Variants in PRH1 observed in about 807,000 individuals in gnomAD.
The protein encoded by PRH1 is salivary acidic proline-rich phosphoprotein 1/2.
PRH1 carries 7 observed loss-of-function variants against 7.9 expected under a neutral mutation model. The ratio of observed to expected loss-of-function variants is 0.89; its 90% CI spans 0.50 to 1.67. PRH1 has a LOEUF of 1.67. PRH1 is among the 40% of genes most tolerant of loss of function. PRH1 has a pLI of 0.00. For missense variants in PRH1, 109 were observed against 223.6 expected, an observed-to-expected ratio of 0.49 and a Z score of 3.27; for synonymous variants, 45 against 80.8, an observed-to-expected ratio of 0.56 and a Z score of 2.38.
intron 1 of PRH1, among the ~76,000 whole-genome samples, chr12:11,023,164 C>T (rs576651965): frequency 6.6e-6 from 1 of 152,290 alleles, no homozygotes; most frequent in African/African-American, 2.4e-5. Context: ...GAGGCTGATA[C>T]ACTTTAAAAT....
At chr12:10,961,143 A>C (rs1938217347) in intron 2 of PRH1, among the ~76,000 whole-genome samples, 1 of 152,216 alleles carries the variant, frequency 6.6e-6, no homozygotes, top group Non-Finnish European at 1.5e-5. Context: ...TGGGCATTAC[A>C]GGACTCTGTC....
chr12:11,048,683 G>A (rs1943010769), upstream of PRH1: 1 of 523,936 alleles, frequency 1.9e-6, no homozygotes, highest in Admixed American at 2.2e-5. Flanking sequence ...AAAGATATTA[G>A]TGTCAGAGTG....
chr12:11,023,747 A>G (rs1941773667), intron 1 of PRH1, among the ~76,000 whole-genome samples: 1 of 152,248 alleles, frequency 6.6e-6, no homozygotes, highest in African/African-American at 2.4e-5. Context: ...CCACTGCCTT[A>G]TCTACCCTAA....
rs1164831876 is a variant in PRH1 at position 11,093,716 on chromosome 12, G to C, written n.124-46528C>G. Among the ~76,000 whole-genome samples the C allele has an allele frequency of 1.7e-5, 2 of 114,856 alleles. 1 individual carries two copies. Among genetic ancestry groups the C allele is most frequent in the Non-Finnish European group, 4.1e-5 (2 of 48,772 alleles). 75.3% of individuals were successfully genotyped at this position (114,856 alleles called of 152,430 possible). A position where few individuals can be genotyped will look rare whatever the true frequency, so the allele number is the denominator to read the frequency against. ...ACTGACTACCTTACCCCTGAACTTG[G>C]AATTCAATCATTTCACTTATTTTGA... On this transcript the variant is annotated intron_variant and non_coding_transcript_variant, in intron 1 of 4. Coordinates refer to the PRH1 transcript ENST00000541977.
intron 1 of PRH1, among the ~76,000 whole-genome samples, chr12:11,012,663 C>G (rs1177573776): frequency 2.0e-5 from 3 of 151,992 alleles, no homozygotes; most frequent in African/African-American, 7.3e-5. Flanking sequence ...CTCAAGAGAT[C>G]CTCCCACCTC....
At chr12:10,935,338 T>C (rs1342314265) in intron 2 of PRH1, among the ~76,000 whole-genome samples, 4 of 152,070 alleles carry the variant, frequency 2.6e-5, no homozygotes, top group African/African-American at 7.3e-5. Context: ...TATCCTGACA[T>C]TAAAAAATAT....
chr12:11,160,135 T>C (rs532907244), intron 1 of PRH1, among the ~76,000 whole-genome samples: 77 of 152,320 alleles, frequency 5.1e-4, no homozygotes, highest in Middle Eastern at 3.4e-3. Flanking sequence ...AATACAAATA[T>C]CTTAAATTTT....
intron 2 of PRH1, among the ~76,000 whole-genome samples, chr12:10,902,006 T>C (rs1949731077): frequency 6.6e-6 from 1 of 152,052 alleles, no homozygotes. Flanking sequence ...TCTCCAGCAA[T>C]GGTCCCTAAC....
At chr12:11,023,670 A>G (rs1290477239) in intron 1 of PRH1, among the ~76,000 whole-genome samples, 1 of 152,178 alleles carries the variant, frequency 6.6e-6, no homozygotes, top group Non-Finnish European at 1.5e-5. Context: ...TCCACTAACC[A>G]TGAGGACATC....
intron 1 of PRH1, among the ~76,000 whole-genome samples, chr12:11,144,297 G>C (rs1946800489): frequency 1.3e-5 from 2 of 152,052 alleles, no homozygotes; most frequent in Non-Finnish European, 2.9e-5. Context: ...GAGATTCCCA[G>C]GTCACTGGAG....
intron 1 of PRH1, among the ~76,000 whole-genome samples, chr12:11,001,500 G>A (rs1186049380): frequency 1.3e-5 from 2 of 152,034 alleles, no homozygotes; most frequent in African/African-American, 4.8e-5. Context: ...GAGAATGCCA[G>A]GGGATAGATG....
chr12:10,937,960 A>G (rs1394407666), intron 2 of PRH1: 1 of 258,022 alleles, frequency 3.9e-6, no homozygotes, highest in South Asian at 1.2e-4. Context: ...ACATACACAC[A>G]TGTATTTTAT....
At chr12:10,948,622 A>T (rs1950523894) in intron 2 of PRH1, among the ~76,000 whole-genome samples, 1 of 152,108 alleles carries the variant, frequency 6.6e-6, no homozygotes, top group Non-Finnish European at 1.5e-5. Context: ...GTATTCTGTC[A>T]TTCTAGCCAG....
chr12:11,164,803 A>G (rs1388215688), intron 1 of PRH1, among the ~76,000 whole-genome samples: 1 of 152,198 alleles, frequency 6.6e-6, no homozygotes, highest in African/African-American at 2.4e-5. Context: ...TTTATAAATT[A>G]TATGAAAAAC....
chr12:11,010,430 A>G lies in PRH1; in HGVS notation c.-126+36590T>C, dbSNP rs567687387. 3.3e-5 allele frequency among the ~76,000 whole-genome samples: 5 copies of G among 152,046 alleles called. No homozygotes were observed. In the East Asian group the frequency reaches 9.7e-4, roughly 29 times the overall value. On this transcript the variant is annotated intron_variant, in intron 1 of 3. Transcript: ENST00000539853. The stretch of plus-strand genomic sequence containing the variant: ...TATTTTAATTTTTCTTCATGGCCTT[A>G]TAATTCTTATATTATTCTCAGTATC...
chr12:11,116,545 G>T (rs1023068704), downstream of PRH1, among the ~76,000 whole-genome samples: 2 of 152,010 alleles, frequency 1.3e-5, no homozygotes, highest in African/African-American at 4.8e-5. Flanking sequence ...GAAAAACAGA[G>T]GAAGAGGGAA....
At chr12:11,071,373 G>A (rs1300638139) in intron 1 of PRH1, among the ~76,000 whole-genome samples, 3 of 152,220 alleles carry the variant, frequency 2.0e-5, no homozygotes, top group Admixed American at 1.3e-4. Flanking sequence ...AGAATGGTAG[G>A]GAAAATTATA....
At chr12:11,130,907 AGTGGCACAAGGAGTGGTG>A (rs1237244052) in intron 1 of PRH1, among the ~76,000 whole-genome samples, 34 of 147,218 alleles carry the variant, frequency 2.3e-4, no homozygotes, top group Non-Finnish European at 4.7e-4. Flanking sequence ...AGCACGTCTC[AGTGGCACAAGGAGTGGTG>A]GTATTGGACA....
chr12:11,136,674 C>T (rs1314971049), intron 1 of PRH1, among the ~76,000 whole-genome samples: 1 of 152,162 alleles, frequency 6.6e-6, no homozygotes, highest in Non-Finnish European at 1.5e-5. Flanking sequence ...CAATTATGCA[C>T]ATATTTATCA....
Sources: gnomAD v4.1 joint callset for allele counts (sites outside exome capture counted in the v4.1 genomes callset) on GRCh38, gnomAD v4.1.1 for gene constraint, MANE v1.5 for transcripts, NCBI Gene and HGNC (gene_info 2026-07-23, HGNC 2026-07-21) for gene names.